The following PLD4 variants were observed in gnomAD, a reference collection of about 807,000 sequenced individuals.
PLD4 encodes the protein phospholipase D family member 4, also known as 5'-3' exonuclease PLD4.
Under a neutral mutation model 52.3 loss-of-function variants are expected in PLD4, and 54 were observed. The ratio of observed to expected loss-of-function variants is 1.03; its 90% CI spans 0.83 to 1.30. The LOEUF (loss-of-function observed/expected upper bound fraction) is 1.30. Among genes scored for constraint, PLD4 ranks in the 50% most tolerant of loss-of-function variants. The pLI, the probability that PLD4 is intolerant of heterozygous loss-of-function variation, is 0.00. For missense variants in PLD4, 731 were observed against 671.1 expected (o/e 1.09, Z -0.99); for synonymous variants, 264 against 286.5 (o/e 0.92, Z 0.79).
At position 104,932,156 on chromosome 14, in the gene PLD4, G is replaced by C; in HGVS notation, c.1203G>C (p.Ala401=). 2 of 1,611,136 alleles carry C rather than the reference G, an allele frequency of 1.2e-6. No homozygotes were observed. The highest frequency in any genetic ancestry group is 1.7e-6 in the Non-Finnish European group (2 of 1,179,050). ...LRSLQALSNP[A]ANVSVDVKVF... is the part of the protein sequence containing the mutation. ...CCCTGCAGGCGCTCAGCAACCCCGC[G>C]GCCAACGTCTCTGTGGACGTGGTGA... Residue 401 remains alanine, a synonymous_variant, in exon 9 of 11, where the codon GCG becomes GCC. Transcript: ENST00000392593. This position sits in a 1 kb window ranked among gnomAD's most constrained non-coding sequence, Gnocchi z 6.5.
chr14:104,932,491 T>A lies in PLD4; in HGVS notation c.1321+136T>A. On this transcript the variant is annotated intron_variant, in intron 10 of 10. Transcript: ENST00000392593. This position sits in a 1 kb window ranked among gnomAD's most constrained non-coding sequence, Gnocchi z 6.5. ...GAAGGGGGACGGGGTCTCCATGGAG[T>A]TCCGGGGACCAGGCCACCCGCCTGT... 1.9e-6 allele frequency: 2 copies of A among 1,033,768 alleles called. No individual in the cohort carries two copies. The highest frequency in any genetic ancestry group is 2.8e-6 in the Non-Finnish European group (2 of 714,270). 64.0% of individuals were successfully genotyped at this position (1,033,768 alleles called of 1,614,324 possible). A position where few individuals can be genotyped will look rare whatever the true frequency, so the allele number is the denominator to read the frequency against.
chr14:104,929,069 G>C, intron 4 of PLD4, 137 bp downstream of exon 4: 1 of 1,283,532 alleles, frequency 7.8e-7, no homozygotes, highest in Non-Finnish European at 1.1e-6. Flanking sequence ...CAGGGATTAG[G>C]CCGCTCCTTT....
chr14:104,929,135 C>T (rs1312733609), intron 4 of PLD4, 172 bp from the exon 5 acceptor site: 2 of 1,232,606 alleles, frequency 1.6e-6, no homozygotes, highest in African/African-American at 1.5e-5. Flanking sequence ...ACTAAACACT[C>T]AGACTGTGCC....
Position 104,928,867 on chromosome 14 carries a change from G to A in PLD4, c.403G>A (p.Val135Met), listed in dbSNP as rs3803295. ...GGACACTGCCCAGGAGAGCGTCCAC[G>A]TGGCTTCATACTACTGGTCCCTCAC... Reference protein sequence around the residue: ...LLDTAQESVHVASYYWSLTGP... With the variant: ...LLDTAQESVHMASYYWSLTGP... The change falls in exon 4 of 11, where the codon GTG becomes ATG. Residue 135 changes from valine (V) to methionine (M), a missense_variant. Val to Met is a conservative substitution (Grantham distance 21). Coordinates refer to ENST00000392593, the MANE Select transcript of PLD4 (RefSeq NM_138790.5). 567 of 1,612,312 alleles carry A rather than the reference G, an allele frequency of 3.5e-4. 1 individual carries two copies. In the East Asian group the frequency reaches 0.012, roughly 33 times the overall value.
chr14:104,930,223 A>G, intron 6 of PLD4, 118 bp downstream of exon 6: 1 of 1,368,294 alleles, frequency 7.3e-7, no homozygotes, highest in Non-Finnish European at 9.9e-7. Context: ...CCTGTTTACA[A>G]TTCACTATGG....
intron 5 of PLD4, 36 bp from the exon 6 acceptor site, chr14:104,929,942 G>A: frequency 6.2e-7 from 1 of 1,611,280 alleles, no homozygotes; most frequent in South Asian, 1.1e-5. Context: ...CACTTAGCAA[G>A]ACCTAGTTCA....
intron 2 of PLD4, 38 bp downstream of exon 2, chr14:104,927,268 T>C: frequency 6.8e-7 from 1 of 1,478,188 alleles, no homozygotes; most frequent in African/African-American, 1.4e-5. Flanking sequence ...GTGGCTGGGA[T>C]CAATGGCCTT....
downstream of PLD4, chr14:104,936,627 T>G (rs541651178): frequency 1.3e-3 from 195 of 152,578 alleles, no homozygotes; most frequent in African/African-American, 4.5e-3. Flanking sequence ...GTCCTCCAGA[T>G]TGGCTCACAG....
intron 7 of PLD4, among the ~76,000 whole-genome samples, chr14:104,931,215 G>C (rs906580610): frequency 1.3e-5 from 2 of 152,232 alleles, no homozygotes; most frequent in African/African-American, 4.8e-5. Context: ...GAGGTGGTGG[G>C]AGGACCTGGG....
At position 104,930,801 on chromosome 14, in the gene PLD4, G is replaced by C. The variant is rs1897617227; in HGVS notation, c.777G>C (p.Lys259Asn). 6.2e-7 allele frequency: 1 copy of C among 1,613,418 alleles called. No homozygotes were observed. The highest frequency in any genetic ancestry group is 8.5e-7 in the Non-Finnish European group (1 of 1,180,036). Residue 259 changes from lysine to asparagine, a missense_variant, in exon 7 of 11, where the codon AAG becomes AAC. Transcript: ENST00000392593. ...GCCACCTGGCCCAAGACCTGGAGAA[G>C]ACCTTCCAGACCTACTGGGTACTGG... ...NCSHLAQDLE[K>N]TFQTYWVLGV...
Position 104,927,826 on chromosome 14 carries a change from C to A in PLD4, c.244C>A (p.Pro82Thr), listed in dbSNP as rs774667269. Residue 82 changes from proline to threonine, a missense_variant, in exon 3 of 11, where the codon CCC (proline) becomes ACC (threonine). Transcript: ENST00000392593. ...GCATGGCTCCAGCCCAGCTTGGGAG[C>A]CCCTGGAAGCAGAGGCCAGGCAGCA... ...WEHGSSPAWE[P>T]LEAEARQQRD... is the part of the protein sequence containing the mutation. The A allele has an allele frequency of 1.3e-6, 2 of 1,588,780 alleles. No homozygotes were observed. The highest frequency in any genetic ancestry group is 1.7e-6 in the Non-Finnish European group (2 of 1,171,404).
downstream of PLD4, chr14:104,937,278 C>T (rs1179453297): frequency 2.0e-5 from 3 of 152,256 alleles, no homozygotes; most frequent in Non-Finnish European, 4.4e-5. Flanking sequence ...TCTTTATTGC[C>T]CATCCAGGGA....
At chr14:104,933,600 A>T (rs1897731704), downstream of PLD4, 1 of 128,922 alleles carries the variant, frequency 7.8e-6, no homozygotes, top group African/African-American at 3.0e-5. Context: ...ACGGCGCCGG[A>T]CAGGGGCGGC....
At chr14:104,927,449 G>A (rs968777901) in intron 2 of PLD4, among the ~76,000 whole-genome samples, 1 of 152,182 alleles carries the variant, frequency 6.6e-6, no homozygotes, top group African/African-American at 2.4e-5. Flanking sequence ...CCACAGCATT[G>A]CAGAGTGGGC....
chr14:104,935,415 A>G (rs1020063705), downstream of PLD4: 7 of 152,292 alleles, frequency 4.6e-5, no homozygotes, highest in African/African-American at 1.4e-4. Flanking sequence ...GCAGATGCCT[A>G]TTCCAAAGGA....
downstream of PLD4, chr14:104,935,972 T>C (rs974053502): frequency 3.3e-5 from 5 of 152,258 alleles, no homozygotes; most frequent in Non-Finnish European, 2.9e-5. Context: ...CTTGGGCTCC[T>C]GATCCACAGA....
At chr14:104,927,585 C>CT (rs1897497707) in intron 2 of PLD4, 88 bp from the exon 3 acceptor site, 1 of 1,391,846 alleles carries the variant, frequency 7.2e-7, no homozygotes, top group Non-Finnish European at 9.6e-7. Flanking sequence ...AAGACGGTCT[C>CT]TGTCTCAGCA....
chr14:104,925,720 T>C (rs1424936610), intron 1 of PLD4, among the ~76,000 whole-genome samples: 1 of 151,674 alleles, frequency 6.6e-6, no homozygotes, highest in East Asian at 2.0e-4. Context: ...GGGCCCTGAA[T>C]CCCTGGGGAC....
intron 4 of PLD4, 164 bp from the exon 5 acceptor site, chr14:104,929,143 G>T: frequency 3.2e-6 from 4 of 1,250,106 alleles, no homozygotes; most frequent in Non-Finnish European, 4.4e-6. Context: ...CTCAGACTGT[G>T]CCTGGTGCAG....
Sources: allele counts gnomAD v4.1 joint callset (sites outside exome capture counted in the v4.1 genomes callset), GRCh38; gene constraint gnomAD v4.1.1; non-coding constraint Gnocchi (gnomAD v3.1); transcripts MANE v1.5; gene names NCBI Gene and HGNC (gene_info 2026-07-23, HGNC 2026-07-21).